Variants in SCHIP1 observed in about 807,000 individuals in gnomAD.
The protein encoded by SCHIP1 is schwannomin interacting protein 1.
A neutral mutation model predicts 29.7 loss-of-function variants in SCHIP1; 8 were observed. The observed-to-expected ratio is 0.27, with a 90% confidence interval of 0.16 to 0.49. The LOEUF (loss-of-function observed/expected upper bound fraction) is 0.49. Among genes scored for constraint, SCHIP1 ranks in the 20% least tolerant of loss-of-function variants. The pLI is 0.99. For missense variants in SCHIP1, 193 were observed against 294.6 expected (o/e 0.66, Z 2.52); for synonymous variants, 76 against 94.9 (o/e 0.80, Z 1.16).
At chr3:159,703,224 A>G in the SCHIP1 span, among the ~76,000 whole-genome samples, 30 of 152,364 alleles carry the variant, frequency 2.0e-4, 1 homozygote, top group East Asian at 5.6e-3. Context: ...TTGCAGTACC[A>G]AGGAGCATCC....
the SCHIP1 span, chr3:159,387,361 CT>C: frequency 2.6e-6 from 1 of 388,524 alleles, no homozygotes; most frequent in South Asian, 2.1e-5. Flanking sequence ...AGATAGATCT[CT>C]TCCAGGGACT....
the SCHIP1 span, among the ~76,000 whole-genome samples, chr3:159,729,400 G>C: frequency 3.9e-5 from 6 of 152,218 alleles, no homozygotes; most frequent in South Asian, 1.0e-3. Flanking sequence ...ATAAAACAAT[G>C]AAAAGGATGA....
the SCHIP1 span, among the ~76,000 whole-genome samples, chr3:159,632,241 G>T: frequency 6.6e-6 from 1 of 152,122 alleles, no homozygotes; most frequent in African/African-American, 2.4e-5. Flanking sequence ...TGAGCCTTCT[G>T]CAAAGCTTTA....
the SCHIP1 span, among the ~76,000 whole-genome samples, chr3:159,697,948 A>C: frequency 6.6e-6 from 1 of 152,220 alleles, no homozygotes; most frequent in Non-Finnish European, 1.5e-5. Flanking sequence ...AATAATTAGC[A>C]AGAGACAAAG....
chr3:159,582,777 AATAT>A, the SCHIP1 span, among the ~76,000 whole-genome samples: 821 of 115,104 alleles, frequency 7.1e-3, 9 homozygotes, highest in African/African-American at 0.022. Context: ...ACGCAACTGA[AATAT>A]ATATATACAC....
the SCHIP1 span, among the ~76,000 whole-genome samples, chr3:159,474,987 T>C: frequency 6.6e-6 from 1 of 152,114 alleles, no homozygotes; most frequent in Admixed American, 6.6e-5. Flanking sequence ...CCCTCATATA[T>C]TGCAGGTGGA....
chr3:159,419,364 T>A, the SCHIP1 span, among the ~76,000 whole-genome samples: 2 of 152,208 alleles, frequency 1.3e-5, no homozygotes, highest in African/African-American at 4.8e-5. Flanking sequence ...TTCTTAGTAC[T>A]TTTATTTGTG....
At chr3:159,368,608 T>G in the SCHIP1 span, among the ~76,000 whole-genome samples, 2 of 152,218 alleles carry the variant, frequency 1.3e-5, no homozygotes, top group African/African-American at 4.8e-5. Context: ...AATAAAAATT[T>G]GACAACCCTC....
the SCHIP1 span, among the ~76,000 whole-genome samples, chr3:159,821,489 G>C: frequency 6.6e-6 from 1 of 150,692 alleles, no homozygotes; most frequent in Non-Finnish European, 1.5e-5. Context: ...TGATACCATG[G>C]ATAGTACTGA....
At chr3:159,705,533 G>A in the SCHIP1 span, among the ~76,000 whole-genome samples, 1 of 151,974 alleles carries the variant, frequency 6.6e-6, no homozygotes, top group Non-Finnish European at 1.5e-5. Context: ...CAGATATAGA[G>A]AGAGAACAGC....
chr3:159,626,183 G>GAT, the SCHIP1 span, among the ~76,000 whole-genome samples: 31 of 98,158 alleles, frequency 3.2e-4, 4 homozygotes, highest in East Asian at 2.3e-3. Flanking sequence ...TATCTATCTA[G>GAT]ATAGATAGAT....
chr3:159,389,723 T>G, the SCHIP1 span, among the ~76,000 whole-genome samples: 1 of 151,990 alleles, frequency 6.6e-6, no homozygotes, highest in Non-Finnish European at 1.5e-5. Context: ...TGCCCAAGAG[T>G]TGGAAACAGG....
the SCHIP1 span, among the ~76,000 whole-genome samples, chr3:159,735,807 G>A: frequency 1.3e-5 from 2 of 152,138 alleles, no homozygotes; most frequent in Non-Finnish European, 2.9e-5. Context: ...CGAAGAGCAG[G>A]TCACACACAT....
At chr3:159,750,296 T>C in the SCHIP1 span, among the ~76,000 whole-genome samples, 98,622 of 132,994 alleles carry the variant, frequency 0.74, 37,099 homozygotes, top group Middle Eastern at 0.91. Flanking sequence ...TATATATATA[T>C]ACACACACAC....
intron 2 of SCHIP1, 34 bp downstream of exon 3, chr3:159,866,315 T>A: frequency 6.4e-7 from 1 of 1,566,648 alleles, no homozygotes; most frequent in Non-Finnish European, 8.7e-7. Context: ...TTCTGATATG[T>A]ACACAGTGGA....
the SCHIP1 span, among the ~76,000 whole-genome samples, chr3:159,548,006 G>C: frequency 6.6e-6 from 1 of 151,916 alleles, no homozygotes; most frequent in African/African-American, 2.4e-5. Context: ...AACCAATCTT[G>C]TATTTCTTAA....
chr3:159,632,779 A>C, the SCHIP1 span, among the ~76,000 whole-genome samples: 1 of 152,182 alleles, frequency 6.6e-6, no homozygotes, highest in Admixed American at 6.5e-5. Context: ...AGCTCCCAGG[A>C]AATCTGTCCC....
chr3:159,680,604 T>C, the SCHIP1 span, among the ~76,000 whole-genome samples: 12,003 of 95,478 alleles, frequency 0.13, 944 homozygotes, highest in Non-Finnish European at 0.17. Flanking sequence ...GTATAATATA[T>C]ATTATATATG....
At chr3:159,764,624 C>T in the SCHIP1 span, 6 of 1,607,920 alleles carry the variant, frequency 3.7e-6, no homozygotes, top group Admixed American at 8.4e-5. This position sits in a 1 kb window ranked among gnomAD's most constrained non-coding sequence, Gnocchi z 6.1. Flanking sequence ...GAGCCCTTCC[C>T]GGTCTACCAG....
Sources: allele counts gnomAD v4.1 joint callset (sites outside exome capture counted in the v4.1 genomes callset), GRCh38; gene constraint gnomAD v4.1.1; non-coding constraint Gnocchi (gnomAD v3.1); transcripts MANE v1.5; gene names NCBI Gene and HGNC (gene_info 2026-07-23, HGNC 2026-07-21).